FBH1: variants seen among roughly 807,000 people sequenced by gnomAD.
FBH1 encodes the protein F-box DNA helicase 1.
In FBH1, 43 loss-of-function variants were observed where a neutral mutation model predicts 115.5. That is an observed-to-expected ratio of 0.37 (90% CI 0.29 to 0.48). The LOEUF (loss-of-function observed/expected upper bound fraction) is 0.48. Among genes scored for constraint, FBH1 ranks in the 20% least tolerant of loss-of-function variants. The pLI is 0.99. For missense variants in FBH1, 1,001 were observed against 1,337.3 expected (o/e 0.75, Z 3.92); for synonymous variants, 524 against 507.8 (o/e 1.03, Z -0.43).
Position 5,924,225 on chromosome 10 carries a change from GC to G in FBH1, c.2399-85del. The G allele has an allele frequency of 7.4e-7, 1 of 1,345,670 alleles. No individual in the cohort carries two copies. Among genetic ancestry groups the G allele is most frequent in the Admixed American group, 1.9e-5 (1 of 53,892 alleles). The allele number at this position is 1,345,670 out of a possible 1,614,324, so 83.4% of individuals were successfully genotyped here. ...CCCCACTTTAAGACCATCTGCTCTTGCGCAGCTGCTTAGGAACGTGCAGCAC... is the reference window on the plus strand; with the variant it reads ...CCCCACTTTAAGACCATCTGCTCTTGGCAGCTGCTTAGGAACGTGCAGCAC... On this transcript the variant is annotated intron_variant, in intron 16 of 20. Coordinates refer to ENST00000362091, the MANE Select transcript of FBH1 (RefSeq NM_178150.3). This position sits in a 1 kb window ranked among gnomAD's most constrained non-coding sequence, Gnocchi z 6.2.
At position 5,921,049 on chromosome 10, in the gene FBH1, A is replaced by G. The variant is rs1247060912; in HGVS notation, c.2101-209A>G. ...AAAAGGGTAGATTTGCTTAAAAGAA[A>G]AATTTACTATTGGTGTTGAGAATAA... On this transcript the variant is annotated intron_variant, in intron 13 of 20. Transcript: ENST00000362091. The surrounding 1 kb of genome is among the most constrained non-coding windows in gnomAD (Gnocchi z 6.4). Among the ~76,000 whole-genome samples, 4 of 152,240 alleles carry G rather than the reference A, an allele frequency of 2.6e-5. No individual in the cohort carries two copies. The highest frequency in any genetic ancestry group is 2.9e-5 in the Non-Finnish European group (2 of 68,048).
Position 5,923,651 on chromosome 10 carries a change from A to G in FBH1, c.2353A>G (p.Ile785Val). The G allele has an allele frequency of 6.2e-7, 1 of 1,614,216 alleles. No individual in the cohort carries two copies. The highest frequency in any genetic ancestry group is 8.5e-7 in the Non-Finnish European group (1 of 1,180,028). The change falls in exon 16 of 21, where the codon ATT (isoleucine) becomes GTT (valine). Residue 785 changes from isoleucine (I) to valine (V), a missense_variant. Ile to Val is a conservative substitution (Grantham distance 29). This residue lies in a region of FBH1 where 521 missense variants were observed against 811.0 expected (regional missense o/e 0.64). Transcript: ENST00000362091. This position sits in a 1 kb window ranked among gnomAD's most constrained non-coding sequence, Gnocchi z 5.7. ...GIKSFGLDRI[I>V]DIWILLQPEE... is the part of the protein sequence containing the mutation. ...TAAATCATTTGGATTGGACAGAATC[A>G]TTGATATTTGGATCCTTCTTCAGCC...
chr10:5,906,623 T>G lies in FBH1; in HGVS notation c.744T>G (p.Ser248Arg). The change falls in exon 3 of 21, where the codon AGT becomes AGG. Residue 248 changes from serine (S) to arginine (R), a missense_variant. Ser to Arg is a moderately radical substitution (Grantham distance 110). Coordinates refer to ENST00000362091, the MANE Select transcript of FBH1 (RefSeq NM_178150.3). The surrounding 1 kb of genome is among the most constrained non-coding windows in gnomAD (Gnocchi z 7.3). ...GCCACTTGTGGAGGGAGATCATCAG[T>G]GACCCGCTGGTGAGTGAGTGCTGGA... is the stretch of plus-strand genomic sequence containing the variant. Reference protein sequence around the residue: ...LVCHLWREIISDPLFIPWKKL... With the variant: ...LVCHLWREIIRDPLFIPWKKL... 4 of 1,605,502 alleles carry G rather than the reference T, an allele frequency of 2.5e-6. No individual in the cohort carries two copies. Among genetic ancestry groups the G allele is most frequent in the Non-Finnish European group, 3.4e-6 (4 of 1,176,758 alleles).
At position 5,911,816 on chromosome 10, in the gene FBH1, T is replaced by G. The variant is rs1357574141; in HGVS notation, c.1211+688T>G. Among the ~76,000 whole-genome samples the G allele has an allele frequency of 6.6e-6, 1 of 151,988 alleles. No homozygotes were observed. On this transcript the variant is annotated intron_variant, in intron 6 of 20. Coordinates refer to ENST00000362091, the MANE Select transcript of FBH1 (RefSeq NM_178150.3). This position sits in a 1 kb window ranked among gnomAD's most constrained non-coding sequence, Gnocchi z 5.4. Reference sequence around the variant, plus strand: ...AGAGAGCTGTGGGGTGAATGCTGCTTTAGAGGGGTGGAAAAAGCTTCTCTG... The same window carrying G: ...AGAGAGCTGTGGGGTGAATGCTGCTGTAGAGGGGTGGAAAAAGCTTCTCTG...
chr10:5,922,833 C>G (rs191975808), intron 15 of FBH1, among the ~76,000 whole-genome samples: 4 of 152,324 alleles, frequency 2.6e-5, no homozygotes, highest in Non-Finnish European at 5.9e-5. Flanking sequence ...AGGCTGTCTC[C>G]TCCAGGAGCT....
intron 18 of FBH1, among the ~76,000 whole-genome samples, chr10:5,926,731 CA>C (rs1291067759): frequency 4.6e-5 from 7 of 152,348 alleles, no homozygotes; most frequent in Non-Finnish European, 7.3e-5. Flanking sequence ...TACATGTTTA[CA>C]AATGTAATTT....
Position 5,921,207 on chromosome 10 carries a change from C to G in FBH1, c.2101-51C>G. On this transcript the variant is annotated intron_variant, in intron 13 of 20. Transcript: ENST00000362091. The surrounding 1 kb of genome is among the most constrained non-coding windows in gnomAD (Gnocchi z 6.4). Reference sequence around the variant, plus strand: ...CTGTGGCAGCAGTGATGGAAATGCACGGACACACCACAGGGCGGGCTGCTG... The same window carrying G: ...CTGTGGCAGCAGTGATGGAAATGCAGGGACACACCACAGGGCGGGCTGCTG... The G allele has an allele frequency of 1.3e-6, 2 of 1,562,898 alleles. No individual in the cohort carries two copies. The highest frequency in any genetic ancestry group is 1.8e-6 in the Non-Finnish European group (2 of 1,135,472).
In FBH1 at chr10:5,914,629, A is replaced by G. The variant is rs181474252; in HGVS notation, c.1396+360A>G. ...GGTTTCAGGAGCTCCCCAGTTTTAT[A>G]GGGTGATGTCTAGAGGGCCTGCCTT... On this transcript the variant is annotated intron_variant, in intron 8 of 20. Transcript: ENST00000362091. This position sits in a 1 kb window ranked among gnomAD's most constrained non-coding sequence, Gnocchi z 5.2. 1.2e-4 allele frequency among the ~76,000 whole-genome samples: 19 copies of G among 152,282 alleles called. No homozygotes were observed. The highest frequency in any genetic ancestry group is 1.0e-3 in the Admixed American group (16 of 15,300).
At chr10:5,892,769 A>G (rs1246093933) in intron 1 of FBH1, among the ~76,000 whole-genome samples, 2 of 152,238 alleles carry the variant, frequency 1.3e-5, no homozygotes, top group African/African-American at 4.8e-5. Context: ...TGAATGTTCT[A>G]CTAGAAATGC....
At chr10:5,927,349 G>C in intron 18 of FBH1, 86 bp from the exon 19 acceptor site, 1 of 920,010 alleles carries the variant, frequency 1.1e-6, no homozygotes, top group Non-Finnish European at 1.6e-6. Context: ...ATGGGTGGGG[G>C]CTAGTAAACA....
rs369308515 is a variant in FBH1 at position 5,921,671 on chromosome 10, C to G, written c.2322+102C>G. ...TCCTTGGGATTATCATGCAAGAAAG[C>G]ATTTGGGTTTTTGACTCTTTCCACC... On this transcript the variant is annotated intron_variant, in intron 15 of 20. Transcript: ENST00000362091. The surrounding 1 kb of genome is among the most constrained non-coding windows in gnomAD (Gnocchi z 6.4). 7 of 1,498,816 alleles carry G rather than the reference C, an allele frequency of 4.7e-6. No individual in the cohort carries two copies. In the African/African-American group the frequency reaches 7.1e-5, roughly 15 times the overall value. The allele number at this position is 1,498,816 out of a possible 1,614,324, so 92.8% of individuals were successfully genotyped here. A position where few individuals can be genotyped will look rare whatever the true frequency, so the allele number is the denominator to read the frequency against.
In FBH1 at chr10:5,918,490, C is replaced by G; in HGVS notation, c.2100+12C>G. On this transcript the variant is annotated intron_variant, in intron 13 of 20. Transcript: ENST00000362091. This position sits in a 1 kb window ranked among gnomAD's most constrained non-coding sequence, Gnocchi z 4.0. ...TCTATCTCACGCAGGTAAGTGCGCA[C>G]TCTGCATGGGAGGCATTGCATCTCT... 6.3e-7 allele frequency: 1 copy of G among 1,582,874 alleles called. No homozygotes were observed. The highest frequency in any genetic ancestry group is 8.6e-7 in the Non-Finnish European group (1 of 1,168,234).
Position 5,900,328 on chromosome 10 carries a change from T to C in FBH1, c.2-2692T>C, listed in dbSNP as rs537884562. Among the ~76,000 whole-genome samples, 41 of 152,346 alleles carry C rather than the reference T, an allele frequency of 2.7e-4. No homozygotes were observed. The highest frequency in any genetic ancestry group is 1.4e-3 in the Admixed American group (22 of 15,296). On this transcript the variant is annotated intron_variant, in intron 1 of 20. Coordinates refer to ENST00000362091, the MANE Select transcript of FBH1 (RefSeq NM_178150.3). The surrounding 1 kb of genome is among the most constrained non-coding windows in gnomAD (Gnocchi z 4.2). ...TGACACTTATCAGACTTAGATGAGA[T>C]TGGGCGCGTTCAGGGTGGTATGGCC...
chr10:5,912,057 G>GC (rs1276049866), intron 6 of FBH1, among the ~76,000 whole-genome samples: 2 of 152,052 alleles, frequency 1.3e-5, no homozygotes, highest in African/African-American at 4.8e-5. Flanking sequence ...GATCTTACAG[G>GC]CCCCGATTAG....
At position 5,915,103 on chromosome 10, in the gene FBH1, C is replaced by T. The variant is rs1361398862; in HGVS notation, c.1397-300C>T. On this transcript the variant is annotated intron_variant, in intron 8 of 20. Coordinates refer to ENST00000362091, the MANE Select transcript of FBH1 (RefSeq NM_178150.3). The surrounding 1 kb of genome is among the most constrained non-coding windows in gnomAD (Gnocchi z 5.2). ...AGGGGTCCTTTTTGCCCTCGGGAAC[C>T]CTACCTCTAATGGATACCCACTTAT... Among the ~76,000 whole-genome samples, 1 of 152,136 alleles carries T rather than the reference C, an allele frequency of 6.6e-6. No individual in the cohort carries two copies. The highest frequency in any genetic ancestry group is 1.5e-5 in the Non-Finnish European group (1 of 68,036).
intron 1 of FBH1, chr10:5,894,462 C>G (rs12781700): frequency 0.31 from 453,561 of 1,447,164 alleles, 76,933 homozygotes; most frequent in Middle Eastern, 0.38. Flanking sequence ...GTCAGGAGAC[C>G]CGGGTTCTTG....
Position 5,921,692 on chromosome 10 carries a change from C to T in FBH1, c.2322+123C>T, listed in dbSNP as rs941509044. The T allele has an allele frequency of 7.6e-7, 1 of 1,311,074 alleles. No homozygotes were observed. Among genetic ancestry groups the T allele is most frequent in the South Asian group, 1.5e-5 (1 of 68,188 alleles). The allele number at this position is 1,311,074 out of a possible 1,614,324, so 81.2% of individuals were successfully genotyped here. On this transcript the variant is annotated intron_variant, in intron 15 of 20. Coordinates refer to ENST00000362091, the MANE Select transcript of FBH1 (RefSeq NM_178150.3). This position sits in a 1 kb window ranked among gnomAD's most constrained non-coding sequence, Gnocchi z 6.4. ...AAAGCATTTGGGTTTTTGACTCTTT[C>T]CACCAGGCTGCACCATGAGTGGTCT...
In FBH1 at chr10:5,897,312, G is replaced by A. The variant is rs1345547259; in HGVS notation, c.2-5708G>A. Reference sequence around the variant, plus strand: ...ACCTGCCAAGTGTGGGTCTTCTCCTGCACCCCACAGCCTCGGAGGGGCTTT... The same window carrying A: ...ACCTGCCAAGTGTGGGTCTTCTCCTACACCCCACAGCCTCGGAGGGGCTTT... On this transcript the variant is annotated intron_variant, in intron 1 of 20. Transcript: ENST00000362091. This position sits in a 1 kb window ranked among gnomAD's most constrained non-coding sequence, Gnocchi z 4.7. 2.0e-5 allele frequency among the ~76,000 whole-genome samples: 3 copies of A among 152,112 alleles called. No individual in the cohort carries two copies. The highest frequency in any genetic ancestry group is 7.2e-5 in the African/African-American group (3 of 41,412).
intron 19 of FBH1, chr10:5,934,654 A>C (rs1833211599): frequency 6.6e-6 from 1 of 152,234 alleles, no homozygotes; most frequent in South Asian, 2.1e-4. Flanking sequence ...CTGAGATTAC[A>C]GGCTTGAGCC....
Sources: allele counts gnomAD v4.1 joint callset (sites outside exome capture counted in the v4.1 genomes callset), GRCh38; gene constraint gnomAD v4.1.1; regional missense constraint gnomAD v4.1.1; non-coding constraint Gnocchi (gnomAD v3.1); transcripts MANE v1.5; gene names NCBI Gene and HGNC (gene_info 2026-07-23, HGNC 2026-07-21).